The following APBB1IP variants were observed in gnomAD, a reference collection of about 807,000 sequenced individuals.
APBB1IP encodes the protein amyloid beta precursor protein binding family B member 1 interacting protein.
A neutral mutation model predicts 64.9 loss-of-function variants in APBB1IP; 27 were observed. The observed-to-expected ratio is 0.42, with a 90% confidence interval of 0.31 to 0.57. The LOEUF is 0.57. Among genes scored for constraint, APBB1IP ranks in the 20% least tolerant of loss-of-function variants. The probability of loss-of-function intolerance (pLI) is 0.20; values close to 1 mark genes in which losing one functional copy is unlikely to be tolerated. For synonymous variants in APBB1IP, 392 were observed against 331.0 expected (o/e 1.18, Z -2.00); for missense variants, 812 against 845.5 (o/e 0.96, Z 0.49).
At chr10:26,531,748 C>G (rs1356218062) in intron 8 of APBB1IP, among the ~76,000 whole-genome samples, 4 of 151,986 alleles carry the variant, frequency 2.6e-5, no homozygotes, top group Non-Finnish European at 5.9e-5. Context: ...TTTTATTTGT[C>G]TGCAGTTTTT....
chr10:26,532,213 A>T (rs1339534324), intron 8 of APBB1IP, among the ~76,000 whole-genome samples: 1 of 152,152 alleles, frequency 6.6e-6, no homozygotes, highest in African/African-American at 2.4e-5. Flanking sequence ...TACATTTGTT[A>T]TGTATTATTT....
intron 3 of APBB1IP, among the ~76,000 whole-genome samples, chr10:26,495,986 A>G (rs914455155): frequency 7.0e-6 from 1 of 143,318 alleles, no homozygotes; most frequent in Non-Finnish European, 1.5e-5. Flanking sequence ...AATATAATAT[A>G]TATATTATAT....
intron 8 of APBB1IP, among the ~76,000 whole-genome samples, chr10:26,524,297 G>C (rs1455946959): frequency 6.6e-6 from 1 of 151,998 alleles, no homozygotes. Context: ...GTCACACAGA[G>C]ACACAGAAAC....
intron 2 of APBB1IP, among the ~76,000 whole-genome samples, chr10:26,476,061 ACTT>A: frequency 7.0e-6 from 1 of 143,616 alleles, no homozygotes; most frequent in Non-Finnish European, 1.5e-5. Flanking sequence ...CTTTATAAAA[ACTT>A]TTTTTTTTTT....
chr10:26,493,532 G>A (rs979173419), intron 3 of APBB1IP, among the ~76,000 whole-genome samples: 1 of 152,156 alleles, frequency 6.6e-6, no homozygotes, highest in Non-Finnish European at 1.5e-5. Context: ...TTCTGCCATG[G>A]CTTCAGCCGG....
intron 2 of APBB1IP, among the ~76,000 whole-genome samples, chr10:26,478,472 G>T (rs1204870569): frequency 1.3e-5 from 2 of 152,004 alleles, no homozygotes; most frequent in Non-Finnish European, 2.9e-5. Context: ...GTTCACTTGA[G>T]GTCAGGAGTG....
chr10:26,441,214 C>A (rs907559926), intron 2 of APBB1IP, among the ~76,000 whole-genome samples: 1 of 152,132 alleles, frequency 6.6e-6, no homozygotes, highest in Non-Finnish European at 1.5e-5. Context: ...ATTATAAATT[C>A]ATGTACATAA....
At chr10:26,527,571 A>G (rs1386059167) in intron 8 of APBB1IP, among the ~76,000 whole-genome samples, 1 of 150,558 alleles carries the variant, frequency 6.6e-6, no homozygotes, top group Non-Finnish European at 1.5e-5. Context: ...AAAAAATACT[A>G]TCTCAGAATC....
intron 2 of APBB1IP, among the ~76,000 whole-genome samples, chr10:26,483,517 G>A (rs982708876): frequency 8.5e-5 from 13 of 152,066 alleles, no homozygotes; most frequent in East Asian, 1.9e-4. Context: ...AGAGAGCAAG[G>A]GGAGATTTCT....
rs1273775789 is a variant in APBB1IP at position 26,487,278 on chromosome 10, G to A, written c.1-5049G>A. On this transcript the variant is annotated intron_variant, in intron 2 of 14. Coordinates refer to ENST00000376236, the MANE Select transcript of APBB1IP (RefSeq NM_019043.4). ...TGGAAAATACCACACGTACATATAG[G>A]CACAGCCCTATTTTCTTACGCTTGT... 2.0e-5 allele frequency among the ~76,000 whole-genome samples: 3 copies of A among 150,834 alleles called. 1 individual carries two copies. Among genetic ancestry groups the A allele is most frequent in the Admixed American group, 1.3e-4 (2 of 15,114 alleles).
intron 11 of APBB1IP, among the ~76,000 whole-genome samples, chr10:26,558,504 G>A (rs765632496): frequency 6.6e-6 from 1 of 151,994 alleles, no homozygotes; most frequent in Non-Finnish European, 1.5e-5. Flanking sequence ...AAACTAACTG[G>A]GCTTGGTGGT....
intron 2 of APBB1IP, among the ~76,000 whole-genome samples, chr10:26,458,223 A>G (rs984553375): frequency 1.1e-4 from 16 of 152,172 alleles, no homozygotes; most frequent in African/African-American, 3.4e-4. Context: ...CCGCGTCTCT[A>G]TTGAAAATAT....
chr10:26,535,403 A>T (rs1260035010), intron 9 of APBB1IP, among the ~76,000 whole-genome samples: 1 of 152,182 alleles, frequency 6.6e-6, no homozygotes, highest in Admixed American at 6.5e-5. Flanking sequence ...ACCTAGTCGC[A>T]TCAGGGAGAA....
chr10:26,439,825 A>C (rs985572566), intron 2 of APBB1IP, among the ~76,000 whole-genome samples: 6 of 152,216 alleles, frequency 3.9e-5, no homozygotes, highest in Non-Finnish European at 8.8e-5. Flanking sequence ...ACTAGCTACT[A>C]TTCATTTTAA....
At chr10:26,461,102 G>A (rs1006784494) in intron 2 of APBB1IP, among the ~76,000 whole-genome samples, 5 of 151,960 alleles carry the variant, frequency 3.3e-5, no homozygotes, top group African/African-American at 1.2e-4. Flanking sequence ...CTTGGAGAGG[G>A]CGTTCAGAGA....
At chr10:26,524,908 G>T (rs1836450432) in intron 8 of APBB1IP, among the ~76,000 whole-genome samples, 1 of 132,714 alleles carries the variant, frequency 7.5e-6, no homozygotes, top group South Asian at 2.4e-4. Context: ...GGGCAAGATT[G>T]CATATAATCT....
Position 26,567,319 on chromosome 10 carries a change from C to A in APBB1IP, c.1832C>A (p.Ala611Asp). 7.9e-7 allele frequency: 1 copy of A among 1,259,026 alleles called. No homozygotes were observed. Among genetic ancestry groups the A allele is most frequent in the African/African-American group, 1.7e-5 (1 of 60,400 alleles). 78.0% of individuals were successfully genotyped at this position (1,259,026 alleles called of 1,614,324 possible). The change falls in exon 15 of 15, where the codon GCC (alanine) becomes GAC (aspartate). Residue 611 changes from alanine to aspartate, a missense_variant. Coordinates refer to ENST00000376236, the MANE Select transcript of APBB1IP (RefSeq NM_019043.4). ...PPPPPPAPAP[A>D]PVPDSARPPP... ...CCGCCGCCGCCCGCGCCCGCGCCCG[C>A]CCCCGTCCCCGACTCCGCCAGGCCG...
intron 2 of APBB1IP, among the ~76,000 whole-genome samples, chr10:26,461,461 T>A (rs920786618): frequency 3.3e-5 from 5 of 152,184 alleles, no homozygotes; most frequent in Admixed American, 2.6e-4. Context: ...CGTTGGTTTA[T>A]TTATGTAAAT....
chr10:26,489,204 T>C (rs1420520510), intron 2 of APBB1IP, among the ~76,000 whole-genome samples: 1 of 152,210 alleles, frequency 6.6e-6, no homozygotes, highest in East Asian at 1.9e-4. Flanking sequence ...TGGTGGAATA[T>C]GCTCAGTGAC....
Sources: allele counts gnomAD v4.1 joint callset (sites outside exome capture counted in the v4.1 genomes callset), GRCh38; gene constraint gnomAD v4.1.1; transcripts MANE v1.5; gene names NCBI Gene and HGNC (gene_info 2026-07-23, HGNC 2026-07-21).